Variants in WWOX observed in about 807,000 individuals in gnomAD.
WWOX encodes the protein WW domain containing oxidoreductase, also known as WW domain-containing oxidoreductase.
In WWOX, 69 loss-of-function variants were observed where a neutral mutation model predicts 46.2. That is an observed-to-expected ratio of 1.49 (90% CI 1.23 to 1.82). The LOEUF (loss-of-function observed/expected upper bound fraction) is 1.82, where lower values mean the gene tolerates loss of function less well. Ranked by LOEUF, WWOX falls within the 40% of genes most tolerant of loss-of-function variation. WWOX has a pLI of 0.00. For missense variants in WWOX, 919 were observed against 542.6 expected (o/e 1.69, Z -6.89); for synonymous variants, 359 against 202.6 (o/e 1.77, Z -6.56).
intron 8 of WWOX, among the ~76,000 whole-genome samples, chr16:78,643,886 G>T (rs1199669812): frequency 6.7e-6 from 1 of 150,350 alleles, no homozygotes; most frequent in Non-Finnish European, 1.5e-5. Flanking sequence ...GTAACCTGCA[G>T]CTCCCTTGAT....
At chr16:78,736,633 T>C (rs759188177) in intron 8 of WWOX, among the ~76,000 whole-genome samples, 2 of 146,190 alleles carry the variant, frequency 1.4e-5, no homozygotes, top group Non-Finnish European at 2.9e-5. Flanking sequence ...GATCTGTCTC[T>C]TTCCCCCAGG....
At chr16:78,619,608 A>G (rs35864869) in intron 8 of WWOX, among the ~76,000 whole-genome samples, 22,652 of 151,782 alleles carry the variant, frequency 0.15, 1,947 homozygotes, top group African/African-American at 0.22. Context: ...TAGTGATAGT[A>G]AAAAGAACCA....
chr16:78,517,042 T>G (rs1266594782), intron 8 of WWOX, among the ~76,000 whole-genome samples: 2 of 152,198 alleles, frequency 1.3e-5, no homozygotes, highest in African/African-American at 4.8e-5. Context: ...TTTGTTTGCT[T>G]TATATAGTTT....
intron 5 of WWOX, among the ~76,000 whole-genome samples, chr16:78,226,503 TC>T (rs1378792318): frequency 1.3e-5 from 1 of 75,704 alleles, no homozygotes; most frequent in African/African-American, 4.9e-5. Flanking sequence ...CCTCCCTCCC[TC>T]CCTTCCTTCC....
intron 8 of WWOX, among the ~76,000 whole-genome samples, chr16:78,793,946 G>C (rs892657331): frequency 6.6e-6 from 1 of 152,110 alleles, no homozygotes; most frequent in African/African-American, 2.4e-5. Flanking sequence ...AGAAGAGGAT[G>C]TAGGGCAGGT....
chr16:78,804,219 C>G lies in WWOX; in HGVS notation c.1056+371467C>G, dbSNP rs543158629. Among the ~76,000 whole-genome samples, 7 of 152,228 alleles carry G rather than the reference C, an allele frequency of 4.6e-5. No homozygotes were observed. In the South Asian group the frequency reaches 1.5e-3, roughly 32 times the overall value. On this transcript the variant is annotated intron_variant, in intron 8 of 8. Transcript: ENST00000566780. ...AACTGCAGTCCCTCCTCTATGCCTTCCCCTGAACACAGTGCGCCCTCACTA... is the reference window on the plus strand; with the variant it reads ...AACTGCAGTCCCTCCTCTATGCCTTGCCCTGAACACAGTGCGCCCTCACTA...
Position 78,283,032 on chromosome 16 carries a change from T to C in WWOX, c.517-103828T>C, listed in dbSNP as rs143342839. On this transcript the variant is annotated intron_variant, in intron 5 of 8. Transcript: ENST00000566780. ...CTGAGACCAGGGCCTGGCTGACCTA[T>C]GGCAGTCAGCGATGAGCCAGTGTCT... is the stretch of plus-strand genomic sequence containing the variant. Among the ~76,000 whole-genome samples, 366 of 152,080 alleles carry C rather than the reference T, an allele frequency of 2.4e-3. 1 individual carries two copies. The highest frequency in any genetic ancestry group is 0.014 in the Middle Eastern group (4 of 292).
At position 78,585,521 on chromosome 16, in the gene WWOX, C is replaced by G. The variant is rs189987856; in HGVS notation, c.1056+152769C>G. 3.2e-4 allele frequency among the ~76,000 whole-genome samples: 48 copies of G among 152,232 alleles called. No homozygotes were observed. The East Asian group carries it at 8.7e-3, about 28-fold the overall frequency. ...GGTTAATTTAGCAAACCCCAGGATC[C>G]CCAGAGGGTCCCTCGGTATTGTGGT... On this transcript the variant is annotated intron_variant, in intron 8 of 8. Transcript: ENST00000566780.
At chr16:79,202,279 C>A (rs1176836463) in intron 8 of WWOX, among the ~76,000 whole-genome samples, 1 of 152,106 alleles carries the variant, frequency 6.6e-6, no homozygotes, top group Non-Finnish European at 1.5e-5. Context: ...GTAGTGTTGT[C>A]ACTTTTGTCA....
At chr16:78,115,705 G>A (rs555882317) in intron 4 of WWOX, among the ~76,000 whole-genome samples, 4 of 152,292 alleles carry the variant, frequency 2.6e-5, no homozygotes, top group Admixed American at 2.6e-4. Context: ...TGGCTCAAGA[G>A]GGTATCCTTG....
chr16:78,447,969 G>T (rs1373611637), intron 8 of WWOX, among the ~76,000 whole-genome samples: 1 of 151,940 alleles, frequency 6.6e-6, no homozygotes, highest in Non-Finnish European at 1.5e-5. Flanking sequence ...ACATCCAGCT[G>T]ACTTTTGTAT....
At chr16:78,844,657 T>C (rs951803838) in intron 8 of WWOX, among the ~76,000 whole-genome samples, 2 of 152,204 alleles carry the variant, frequency 1.3e-5, no homozygotes, top group African/African-American at 4.8e-5. Context: ...GCAATTAATA[T>C]CCTCAAATTA....
intron 7 of WWOX, among the ~76,000 whole-genome samples, chr16:78,430,361 A>G (rs991398453): frequency 2.6e-5 from 4 of 152,066 alleles, no homozygotes; most frequent in African/African-American, 7.2e-5. Flanking sequence ...CACCCTCCAA[A>G]AATCACACAA....
intron 8 of WWOX, among the ~76,000 whole-genome samples, chr16:78,781,390 C>T (rs2050319830): frequency 6.6e-6 from 1 of 152,202 alleles, no homozygotes; most frequent in African/African-American, 2.4e-5. Context: ...GGTATTCCGT[C>T]AGTCTTACTA....
intron 8 of WWOX, among the ~76,000 whole-genome samples, chr16:78,443,847 C>T (rs1027034338): frequency 6.6e-6 from 1 of 152,016 alleles, no homozygotes; most frequent in South Asian, 2.1e-4. Flanking sequence ...CTTTCAGTTT[C>T]CTTTTCTCCA....
At chr16:78,659,902 C>G (rs2047173197) in intron 8 of WWOX, among the ~76,000 whole-genome samples, 1 of 152,170 alleles carries the variant, frequency 6.6e-6, no homozygotes, top group Admixed American at 6.5e-5. Context: ...CTATCAGCCG[C>G]CTTCTCATCC....
chr16:78,870,628 A>T (rs1377717093), intron 8 of WWOX, among the ~76,000 whole-genome samples: 1 of 152,054 alleles, frequency 6.6e-6, no homozygotes, highest in Non-Finnish European at 1.5e-5. Flanking sequence ...TGGAGACGGA[A>T]TCTCACTCTG....
intron 8 of WWOX, among the ~76,000 whole-genome samples, chr16:78,595,870 C>A (rs1391949274): frequency 1.3e-5 from 2 of 152,184 alleles, no homozygotes; most frequent in Non-Finnish European, 2.9e-5. Flanking sequence ...CCTTTCTGTG[C>A]AACAGGGCAC....
At chr16:78,823,271 G>T (rs1052791779) in intron 8 of WWOX, among the ~76,000 whole-genome samples, 1 of 152,340 alleles carries the variant, frequency 6.6e-6, no homozygotes, top group South Asian at 2.1e-4. Context: ...GCATTCTGCA[G>T]CTGGGGCGGC....
Sources: gnomAD v4.1 joint callset for allele counts (sites outside exome capture counted in the v4.1 genomes callset) on GRCh38, gnomAD v4.1.1 for gene constraint, MANE v1.5 for transcripts, NCBI Gene and HGNC (gene_info 2026-07-23, HGNC 2026-07-21) for gene names.